The following FBRSL1 variants were observed in gnomAD, a reference collection of about 807,000 sequenced individuals.
FBRSL1 encodes the protein fibrosin like 1, also known as fibrosin-1-like protein.
FBRSL1 carries 51 observed loss-of-function variants against 89.6 expected under a neutral mutation model. That is an observed-to-expected ratio of 0.57 (90% CI 0.45 to 0.72). The LOEUF (loss-of-function observed/expected upper bound fraction) is 0.72, where lower values mean the gene tolerates loss of function less well. FBRSL1 is among the 30% of genes least tolerant of loss of function. The pLI, the probability that FBRSL1 is intolerant of heterozygous loss-of-function variation, is 0.00. For missense variants in FBRSL1, 1,618 were observed against 1,451.8 expected (o/e 1.11, Z -1.86); for synonymous variants, 779 against 681.1 (o/e 1.14, Z -2.24).
intron 2 of FBRSL1, among the ~76,000 whole-genome samples, chr12:132,517,847 G>A (rs2034984650): frequency 6.6e-6 from 1 of 152,158 alleles, no homozygotes; most frequent in Non-Finnish European, 1.5e-5. Flanking sequence ...GGGGGTGGTG[G>A]CGCCTGTCGG....
At chr12:132,501,034 G>A (rs1051036364) in intron 1 of FBRSL1, among the ~76,000 whole-genome samples, 6 of 152,328 alleles carry the variant, frequency 3.9e-5, no homozygotes, top group East Asian at 1.9e-4. Flanking sequence ...GGAGCTGGGC[G>A]GGGAAGGAGC....
rs1179212228 is a variant in FBRSL1 at position 132,522,188 on chromosome 12, C to G, written c.490-3546C>G. Among the ~76,000 whole-genome samples, 9 of 152,308 alleles carry G rather than the reference C, an allele frequency of 5.9e-5. No homozygotes were observed. The East Asian group carries it at 1.7e-3, about 29-fold the overall frequency. On this transcript the variant is annotated intron_variant, in intron 2 of 18. Coordinates refer to ENST00000680143, the MANE Select transcript of FBRSL1 (RefSeq NM_001367871.1). ...TGGCGGGGCCACTGCTGGCTCCCGT[C>G]TCTCTGGCCCCTTCCCAGCAACAGG...
chr12:132,538,480 C>G (rs1454390869), intron 4 of FBRSL1, among the ~76,000 whole-genome samples: 2 of 152,162 alleles, frequency 1.3e-5, no homozygotes, highest in Non-Finnish European at 2.9e-5. Flanking sequence ...GTGGGGGCCT[C>G]CAGTGGGCGA....
At chr12:132,516,289 G>T (rs751336055) in intron 2 of FBRSL1, among the ~76,000 whole-genome samples, 49 of 151,788 alleles carry the variant, frequency 3.2e-4, no homozygotes, top group Non-Finnish European at 6.3e-4. Context: ...GGTTCAAGCA[G>T]TTCTCCTGCC....
At chr12:132,524,091 C>A (rs753714261) in intron 2 of FBRSL1, among the ~76,000 whole-genome samples, 3 of 152,232 alleles carry the variant, frequency 2.0e-5, no homozygotes, top group Non-Finnish European at 4.4e-5. Context: ...CACCGAGGGG[C>A]CCTGCCAGGG....
At chr12:132,536,905 C>T (rs754819593) in intron 4 of FBRSL1, among the ~76,000 whole-genome samples, 7 of 152,326 alleles carry the variant, frequency 4.6e-5, no homozygotes, top group East Asian at 3.9e-4. Context: ...GTGTACGTAA[C>T]GGTGTCTTTG....
At chr12:132,494,860 C>T (rs925322692) in intron 1 of FBRSL1, among the ~76,000 whole-genome samples, 3 of 152,170 alleles carry the variant, frequency 2.0e-5, no homozygotes, top group Non-Finnish European at 4.4e-5. Flanking sequence ...TCTCCTCTAA[C>T]GCCTGTGCTT....
Position 132,490,702 on chromosome 12 carries a change from G to A in FBRSL1, c.132G>A (p.Lys44=), listed in dbSNP as rs1184238748. The A allele has an allele frequency of 2.0e-6, 2 of 993,416 alleles. No homozygotes were observed. Among genetic ancestry groups the A allele is most frequent in the Admixed American group, 5.6e-5 (1 of 17,916 alleles). 61.5% of individuals were successfully genotyped at this position (993,416 alleles called of 1,614,324 possible). The change falls in exon 1 of 19, where the codon AAG becomes AAA. Residue 44 remains lysine (K), a synonymous_variant. Coordinates refer to ENST00000680143, the MANE Select transcript of FBRSL1 (RefSeq NM_001367871.1). ...ACGAGCCCGAGCCCAGCCCCGGCAAGGAGAACGCGGGCCTCCGCGGCGCGC... is the reference window on the plus strand; with the variant it reads ...ACGAGCCCGAGCCCAGCCCCGGCAAAGAGAACGCGGGCCTCCGCGGCGCGC... ...SGDEPEPSPG[K]ENAGLRGAPP... is the part of the protein sequence containing the mutation.
intron 1 of FBRSL1, among the ~76,000 whole-genome samples, chr12:132,493,631 C>T (rs987578083): frequency 6.6e-6 from 1 of 152,146 alleles, no homozygotes; most frequent in Admixed American, 6.5e-5. Context: ...TGTTTTGTGC[C>T]CCCGGCAGGT....
intron 5 of FBRSL1, among the ~76,000 whole-genome samples, chr12:132,549,086 G>A (rs905162810): frequency 6.6e-6 from 1 of 152,188 alleles, no homozygotes; most frequent in African/African-American, 2.4e-5. Flanking sequence ...GTGGCCGGGG[G>A]AGGAGGGTCT....
At chr12:132,493,013 A>C (rs1314856058) in intron 1 of FBRSL1, among the ~76,000 whole-genome samples, 1 of 152,180 alleles carries the variant, frequency 6.6e-6, no homozygotes, top group Non-Finnish European at 1.5e-5. Flanking sequence ...CCTTTCACAG[A>C]CATCAACTCA....
chr12:132,577,154 A>C (rs1263276355), intron 15 of FBRSL1, among the ~76,000 whole-genome samples: 2 of 133,320 alleles, frequency 1.5e-5, no homozygotes, highest in African/African-American at 2.9e-5. Flanking sequence ...CCTCCCCACC[A>C]GCCTCCCCAG....
At position 132,490,805 on chromosome 12, in the gene FBRSL1, G is replaced by C; in HGVS notation, c.235G>C (p.Glu79Gln). 2 of 1,387,968 alleles carry C rather than the reference G, an allele frequency of 1.4e-6. No individual in the cohort carries two copies. Among genetic ancestry groups the C allele is most frequent in the Non-Finnish European group, 1.9e-6 (2 of 1,065,530 alleles). The allele number at this position is 1,387,968 out of a possible 1,614,324, so 86.0% of individuals were successfully genotyped here. A position where few individuals can be genotyped will look rare whatever the true frequency, so the allele number is the denominator to read the frequency against. The change falls in exon 1 of 19, where the codon GAG becomes CAG. Residue 79 changes from glutamate to glutamine, a missense_variant. Physicochemically the swap from Glu to Gln is conservative, Grantham distance 29. Transcript: ENST00000680143. ...RRRRESSSQE[E>Q]EVIDGFAIAS... ...CCGCCGCGAGTCCAGCTCGCAGGAG[G>C]AGGAGGTCATCGACGGCTTCGCCAT... is the stretch of plus-strand genomic sequence containing the variant.
chr12:132,582,078 C>A lies in FBRSL1; in HGVS notation c.2013C>A (p.Ile671=). The A allele has an allele frequency of 1.3e-6, 2 of 1,547,874 alleles. No homozygotes were observed. The highest frequency in any genetic ancestry group is 1.7e-6 in the Non-Finnish European group (2 of 1,145,522). Residue 671 remains isoleucine, a synonymous_variant, in exon 18 of 19, where the codon ATC becomes ATA. Transcript: ENST00000680143. The part of the protein sequence containing the change: ...GSHALAPGGS[I]FAPKEGSSVH... The stretch of plus-strand genomic sequence containing the variant: ...TGCCCCCAGCTCCCGGTGGCAGCAT[C>A]TTTGCCCCCAAGGAGGGCTCCTCCG...
intron 2 of FBRSL1, among the ~76,000 whole-genome samples, chr12:132,514,090 C>T (rs1477022822): frequency 1.3e-5 from 2 of 152,250 alleles, no homozygotes; most frequent in East Asian, 1.9e-4. Flanking sequence ...GGATCCTTGT[C>T]TGGGCACTGA....
At chr12:132,515,663 C>T (rs887490179) in intron 2 of FBRSL1, among the ~76,000 whole-genome samples, 7 of 151,780 alleles carry the variant, frequency 4.6e-5, no homozygotes, top group Non-Finnish European at 1.0e-4. Flanking sequence ...ACTTTGGGAC[C>T]CCAAGGAGGG....
intron 1 of FBRSL1, among the ~76,000 whole-genome samples, chr12:132,494,514 G>T (rs768295258): frequency 6.6e-6 from 1 of 152,224 alleles, no homozygotes; most frequent in African/African-American, 2.4e-5. Context: ...CATGCTGGCC[G>T]CTCGGCCCCA....
In FBRSL1 at chr12:132,572,632, C is replaced by T; in HGVS notation, c.1530+10C>T. On this transcript the variant is annotated intron_variant, in intron 11 of 18. Transcript: ENST00000680143. ...CGCTTTTCAGCCTAAGGTACCGCTGCCCCTGGCAGGTGGGGCGGGCACAGC... is the reference window on the plus strand; with the variant it reads ...CGCTTTTCAGCCTAAGGTACCGCTGTCCCTGGCAGGTGGGGCGGGCACAGC... 1.3e-6 allele frequency: 2 copies of T among 1,543,060 alleles called. No homozygotes were observed. The highest frequency in any genetic ancestry group is 1.8e-6 in the Non-Finnish European group (2 of 1,141,096).
chr12:132,524,521 A>C (rs1336293842), intron 2 of FBRSL1, among the ~76,000 whole-genome samples: 1 of 152,248 alleles, frequency 6.6e-6, no homozygotes, highest in African/African-American at 2.4e-5. Context: ...GCAGGGAGCC[A>C]GGCTCATGGC....
Sources: allele counts gnomAD v4.1 joint callset (sites outside exome capture counted in the v4.1 genomes callset), GRCh38; gene constraint gnomAD v4.1.1; transcripts MANE v1.5; gene names NCBI Gene and HGNC (gene_info 2026-07-23, HGNC 2026-07-21).